Variants in PIK3C2A observed in about 807,000 individuals in gnomAD.
PIK3C2A encodes phosphatidylinositol 4-phosphate 3-kinase C2 domain-containing subunit alpha.
A neutral mutation model predicts 204.5 loss-of-function variants in PIK3C2A; 97 were observed. That is an observed-to-expected ratio of 0.47 (90% CI 0.40 to 0.56). The LOEUF is 0.56. PIK3C2A is among the 20% of genes least tolerant of loss of function. The pLI, the probability that PIK3C2A is intolerant of heterozygous loss-of-function variation, is 0.00. For missense variants in PIK3C2A, 1,735 were observed against 1,969.2 expected (o/e 0.88, Z 2.25); for synonymous variants, 653 against 664.4 (o/e 0.98, Z 0.26).
chr11:17,127,263 G>A (rs1411204593), intron 13 of PIK3C2A, among the ~76,000 whole-genome samples: 1 of 151,910 alleles, frequency 6.6e-6, no homozygotes, highest in Non-Finnish European at 1.5e-5. Flanking sequence ...CCTCAAATAG[G>A]GGGGAAGCGA....
At chr11:17,195,929 C>T (rs1346039707) in intron 1 of PIK3C2A, among the ~76,000 whole-genome samples, 5 of 151,834 alleles carry the variant, frequency 3.3e-5, no homozygotes, top group Non-Finnish European at 4.4e-5. Context: ...GTCCCAGCTA[C>T]TTGGGAGGCT....
chr11:17,206,065 G>A (rs539263290), intron 1 of PIK3C2A, among the ~76,000 whole-genome samples: 1 of 152,334 alleles, frequency 6.6e-6, no homozygotes, highest in South Asian at 2.1e-4. Context: ...GGAGGTTGCA[G>A]TGAGCTCTCG....
chr11:17,174,414 C>A lies in PIK3C2A; in HGVS notation c.-65-4608G>T, dbSNP rs1314594247. ...CATCCTGGCTAAAACGGTGAAACCC[C>A]GTCTCTACTAAAAAAAAAAATACAA... is the stretch of plus-strand genomic sequence containing the variant. On this transcript the variant is annotated intron_variant, in intron 1 of 32. Transcript: ENST00000691414. 2.5e-5 allele frequency among the ~76,000 whole-genome samples: 2 copies of A among 80,566 alleles called. 1 individual carries two copies. The highest frequency in any genetic ancestry group is 4.7e-5 in the Non-Finnish European group (2 of 42,358). The allele number at this position is 80,566 out of a possible 152,430, so 52.9% of individuals were successfully genotyped here. A position where few individuals can be genotyped will look rare whatever the true frequency, so the allele number is the denominator to read the frequency against.
chr11:17,119,968 A>G lies in PIK3C2A; in HGVS notation c.2664T>C (p.Ser888=). 1.3e-6 allele frequency: 2 copies of G among 1,498,768 alleles called. No homozygotes were observed. The highest frequency in any genetic ancestry group is 1.8e-6 in the Non-Finnish European group (2 of 1,084,026). The allele number at this position is 1,498,768 out of a possible 1,614,324, so 92.8% of individuals were successfully genotyped here. A position where few individuals can be genotyped will look rare whatever the true frequency, so the allele number is the denominator to read the frequency against. Residue 888 remains serine (S), a synonymous_variant, in exon 16 of 33, where the codon TCT becomes TCC. Coordinates refer to ENST00000691414, the MANE Select transcript of PIK3C2A (RefSeq NM_002645.4). ...ILHKDSSLGL[S]KEDKAFLWEK... ...CCCATAAAAAAGCTTTATCTTCTTT[A>G]GAAAGTCTGCATATATAATAGAATT...
At chr11:17,096,857 T>C (rs117226601) in intron 27 of PIK3C2A, among the ~76,000 whole-genome samples, 200 bp downstream of exon 27, 261 of 152,344 alleles carry the variant, frequency 1.7e-3, no homozygotes, top group Middle Eastern at 0.01. Context: ...GTCCTTATTG[T>C]TTGAAGCAAA....
At chr11:17,168,142 T>C (rs1419587617) in intron 2 of PIK3C2A, among the ~76,000 whole-genome samples, 1 of 152,226 alleles carries the variant, frequency 6.6e-6, no homozygotes, top group East Asian at 1.9e-4. Flanking sequence ...AGAGGCTTTT[T>C]ATTTACAATC....
chr11:17,163,332 A>G (rs919406806), intron 2 of PIK3C2A, among the ~76,000 whole-genome samples: 4 of 152,164 alleles, frequency 2.6e-5, no homozygotes, highest in African/African-American at 9.7e-5. Flanking sequence ...AAACAAACAA[A>G]CAAATAGGAC....
chr11:17,158,361 T>A (rs1590974497), intron 2 of PIK3C2A, among the ~76,000 whole-genome samples: 1 of 147,604 alleles, frequency 6.8e-6, no homozygotes, highest in African/African-American at 2.5e-5. Flanking sequence ...AAAAAAATAA[T>A]AATAATAATA....
chr11:17,094,866 GA>G (rs1263357404), intron 27 of PIK3C2A, among the ~76,000 whole-genome samples: 1 of 152,148 alleles, frequency 6.6e-6, no homozygotes, highest in African/African-American at 2.4e-5. Flanking sequence ...TCACCAATAG[GA>G]AAAAGCAAAT....
At chr11:17,143,987 AT>A (rs201712515) in intron 8 of PIK3C2A, among the ~76,000 whole-genome samples, 55 of 149,296 alleles carry the variant, frequency 3.7e-4, no homozygotes, top group South Asian at 1.7e-3. Context: ...GGTTTTGTTA[AT>A]TTTTTTTTTT....
chr11:17,149,602 A>G (rs1483190180), intron 4 of PIK3C2A, among the ~76,000 whole-genome samples: 2 of 152,168 alleles, frequency 1.3e-5, no homozygotes, highest in African/African-American at 4.8e-5. Flanking sequence ...ATAAAAATAC[A>G]GCAGGTAGGC....
At chr11:17,124,908 T>C (rs529785106) in intron 13 of PIK3C2A, among the ~76,000 whole-genome samples, 1 of 152,348 alleles carries the variant, frequency 6.6e-6, no homozygotes, top group Non-Finnish European at 1.5e-5. Flanking sequence ...CATGTCCTCC[T>C]GTATTTTCCA....
At chr11:17,199,392 C>G (rs1199591115) in intron 1 of PIK3C2A, among the ~76,000 whole-genome samples, 1 of 152,040 alleles carries the variant, frequency 6.6e-6, no homozygotes, top group Non-Finnish European at 1.5e-5. Context: ...CCCAAAAGAA[C>G]TGAAAATAGG....
chr11:17,172,809 C>A (rs991692157), intron 1 of PIK3C2A, among the ~76,000 whole-genome samples: 1 of 152,210 alleles, frequency 6.6e-6, no homozygotes, highest in African/African-American at 2.4e-5. Context: ...ACTTCATCAT[C>A]GGTGATTACC....
At chr11:17,141,174 T>C (rs1185188163) in intron 8 of PIK3C2A, 2 of 152,204 alleles carry the variant, frequency 1.3e-5, no homozygotes, top group Non-Finnish European at 2.9e-5. Flanking sequence ...AGGAGTGACA[T>C]GATCTAACAC....
At chr11:17,197,730 CTTCATTG>C (rs1418410366) in intron 1 of PIK3C2A, among the ~76,000 whole-genome samples, 5 of 152,184 alleles carry the variant, frequency 3.3e-5, no homozygotes, top group Non-Finnish European at 5.9e-5. Context: ...CTTTGATCTA[CTTCATTG>C]TTCATTCACT....
At chr11:17,115,012 T>C (rs1034490125) in intron 19 of PIK3C2A, among the ~76,000 whole-genome samples, 1 of 152,160 alleles carries the variant, frequency 6.6e-6, no homozygotes, top group Non-Finnish European at 1.5e-5. Context: ...AAACAATGTA[T>C]ATAGAGGTAA....
chr11:17,101,644 C>G (rs1421170189), intron 24 of PIK3C2A, among the ~76,000 whole-genome samples: 1 of 149,676 alleles, frequency 6.7e-6, no homozygotes, highest in Admixed American at 6.7e-5. Flanking sequence ...TGCTCTGTCG[C>G]CCAGGCTGGA....
chr11:17,135,182 AAT>A, intron 9 of PIK3C2A, 23 bp from the exon 10 acceptor site: 2 of 1,611,384 alleles, frequency 1.2e-6, no homozygotes, highest in Non-Finnish European at 1.7e-6. Context: ...ACACACACAC[AAT>A]AGTCAGAAAA....
Sources: gnomAD v4.1 joint callset for allele counts (sites outside exome capture counted in the v4.1 genomes callset) on GRCh38, gnomAD v4.1.1 for gene constraint, MANE v1.5 for transcripts, NCBI Gene and HGNC (gene_info 2026-07-23, HGNC 2026-07-21) for gene names.